Variants in MCPH1 observed in about 807,000 individuals in gnomAD.
MCPH1 encodes microcephalin 1, also known as microcephalin.
Under a neutral mutation model 84.5 loss-of-function variants are expected in MCPH1, and 104 were observed. The observed-to-expected ratio is 1.23, with a 90% CI of 1.05 to 1.45. The LOEUF (loss-of-function observed/expected upper bound fraction) is 1.45. MCPH1 is among the 40% of genes most tolerant of loss of function. The pLI is 0.00. For synonymous variants in MCPH1, 514 were observed against 366.8 expected (o/e 1.40, Z -4.58); for missense variants, 1,498 against 1,005.7 (o/e 1.49, Z -6.62).
chr8:6,625,957 TATTC>T, intron 13 of MCPH1: 3 of 985,148 alleles, frequency 3.0e-6, no homozygotes, highest in South Asian at 9.4e-5. Flanking sequence ...TTATTATTAG[TATTC>T]TGTGGCCAGA....
rs578044835 is a variant in MCPH1, at chr8:6,592,385, A to T, written c.2215-29069A>T. Among the ~76,000 whole-genome samples the T allele has an allele frequency of 3.9e-5, 6 of 152,008 alleles. No homozygotes were observed. The East Asian group carries it at 1.2e-3, about 30-fold the overall frequency. On this transcript the variant is annotated intron_variant, in intron 12 of 13. Coordinates refer to ENST00000344683, the MANE Select transcript of MCPH1 (RefSeq NM_024596.5). ...AGGTCTCAAACTCCTGGACTCAAGC[A>T]ATCCTCCCACCTTGGCCAATTTTAA...
chr8:6,533,659 A>G (rs1819964887), intron 12 of MCPH1, among the ~76,000 whole-genome samples: 1 of 151,296 alleles, frequency 6.6e-6, no homozygotes, highest in African/African-American at 2.4e-5. Context: ...TGAGTGCACA[A>G]ACCATGTTTT....
intron 3 of MCPH1, among the ~76,000 whole-genome samples, chr8:6,423,165 T>C (rs1488836571): frequency 6.7e-6 from 1 of 149,284 alleles, no homozygotes; most frequent in Admixed American, 6.7e-5. Flanking sequence ...GTGAACTTAA[T>C]CTTTTGGCAT....
chr8:6,626,984 C>CA (rs3214515), intron 13 of MCPH1: 35,900 of 782,746 alleles, frequency 0.046, 17 homozygotes, highest in Middle Eastern at 0.049. Flanking sequence ...ACAGCATTGC[C>CA]AAAAAAAAAA....
intron 3 of MCPH1, among the ~76,000 whole-genome samples, chr8:6,428,636 TTCTTTC>T (rs1278941373): frequency 6.6e-6 from 1 of 152,260 alleles, no homozygotes; most frequent in Non-Finnish European, 1.5e-5. Context: ...CATGTCTGGC[TTCTTTC>T]TCTTAGCATA....
chr8:6,605,495 G>T (rs1024580496), intron 12 of MCPH1, among the ~76,000 whole-genome samples: 5 of 152,148 alleles, frequency 3.3e-5, no homozygotes, highest in Non-Finnish European at 5.9e-5. Flanking sequence ...CGAACAATAT[G>T]TCCTTAAACC....
intron 2 of MCPH1, among the ~76,000 whole-genome samples, chr8:6,409,976 A>AT (rs34420641): frequency 0.098 from 14,449 of 147,502 alleles, 1,295 homozygotes; most frequent in East Asian, 0.26. Flanking sequence ...GTAGGGAGTA[A>AT]TTTTTTTTTT....
chr8:6,572,059 T>C (rs1401312330), intron 12 of MCPH1, among the ~76,000 whole-genome samples: 1 of 152,084 alleles, frequency 6.6e-6, no homozygotes, highest in Non-Finnish European at 1.5e-5. Context: ...CCCAAAATGT[T>C]CCATTTCAAG....
chr8:6,488,995 AC>A (rs1810265254), intron 11 of MCPH1, among the ~76,000 whole-genome samples: 1 of 152,062 alleles, frequency 6.6e-6, no homozygotes. Context: ...GAAGACTCCC[AC>A]CCAAATTTTT....
intron 8 of MCPH1, among the ~76,000 whole-genome samples, chr8:6,447,800 C>T (rs972710075): frequency 2.6e-5 from 4 of 152,196 alleles, no homozygotes; most frequent in Non-Finnish European, 4.4e-5. Context: ...CTACCCTCCT[C>T]GGCCTCCCAA....
chr8:6,560,600 T>G (rs1162819029), intron 12 of MCPH1, among the ~76,000 whole-genome samples: 1 of 152,186 alleles, frequency 6.6e-6, no homozygotes, highest in East Asian at 1.9e-4. Context: ...CGTGAAAAGA[T>G]AAACATTAAG....
intron 4 of MCPH1, among the ~76,000 whole-genome samples, chr8:6,433,982 C>A (rs1440222731): frequency 6.6e-6 from 1 of 152,136 alleles, no homozygotes; most frequent in African/African-American, 2.4e-5. Context: ...CTGGAACATT[C>A]TTCCCCCAAA....
intron 12 of MCPH1, among the ~76,000 whole-genome samples, chr8:6,560,845 C>T (rs1233047872): frequency 6.6e-6 from 1 of 152,154 alleles, no homozygotes; most frequent in Non-Finnish European, 1.5e-5. Flanking sequence ...TTCAGGTATA[C>T]CTAATGTAAG....
chr8:6,466,332 G>T (rs1293055182), intron 9 of MCPH1, among the ~76,000 whole-genome samples: 1 of 149,084 alleles, frequency 6.7e-6, no homozygotes, highest in East Asian at 2.0e-4. Context: ...TGGAGTCTTG[G>T]AGTCTCGCTC....
At chr8:6,532,295 T>A in intron 12 of MCPH1, 5 of 1,613,526 alleles carry the variant, frequency 3.1e-6, no homozygotes, top group Non-Finnish European at 3.4e-6. Flanking sequence ...AGTCTCTAGC[T>A]GCAGGGACAC....
intron 2 of MCPH1, among the ~76,000 whole-genome samples, chr8:6,411,043 T>A (rs1798463287): frequency 6.6e-6 from 1 of 152,040 alleles, no homozygotes; most frequent in Non-Finnish European, 1.5e-5. Context: ...TGAGCCGAGA[T>A]TGCACCACTG....
chr8:6,545,410 G>T (rs2959822), intron 12 of MCPH1, among the ~76,000 whole-genome samples: 1 of 152,154 alleles, frequency 6.6e-6, no homozygotes, highest in Non-Finnish European at 1.5e-5. Context: ...GACAAGTTTT[G>T]TTGTGACACT....
At chr8:6,511,818 A>G (rs538998351) in intron 12 of MCPH1, among the ~76,000 whole-genome samples, 1 of 152,324 alleles carries the variant, frequency 6.6e-6, no homozygotes, top group Non-Finnish European at 1.5e-5. Context: ...AAATATTTTT[A>G]TAATGTCAGC....
At chr8:6,546,174 A>C (rs1316681659) in intron 12 of MCPH1, among the ~76,000 whole-genome samples, 2 of 152,256 alleles carry the variant, frequency 1.3e-5, no homozygotes, top group Non-Finnish European at 2.9e-5. Flanking sequence ...GGAATGAGTT[A>C]GCACAATTCC....
Sources: gnomAD v4.1 joint callset for allele counts (sites outside exome capture counted in the v4.1 genomes callset) on GRCh38, gnomAD v4.1.1 for gene constraint, MANE v1.5 for transcripts, NCBI Gene and HGNC (gene_info 2026-07-23, HGNC 2026-07-21) for gene names.